The following UGT1A7 variants were observed in gnomAD, a reference collection of about 807,000 sequenced individuals.
The protein encoded by UGT1A7 is UDP-glucuronosyltransferase 1A7.
UGT1A7 carries 33 observed loss-of-function variants against 45.6 expected under a neutral mutation model. That is an observed-to-expected ratio of 0.72 (90% CI 0.55 to 0.97). The LOEUF (loss-of-function observed/expected upper bound fraction) is 0.97. Among genes scored for constraint, UGT1A7 ranks in the 50% least tolerant of loss-of-function variants. UGT1A7 has a pLI of 0.00. For missense variants in UGT1A7, 684 were observed against 666.2 expected, an observed-to-expected ratio of 1.03 and a Z score of -0.29; for synonymous variants, 274 against 250.6, an observed-to-expected ratio of 1.09 and a Z score of -0.88.
chr2:233,700,524 T>A (rs1335127012), intron 1 of UGT1A7, among the ~76,000 whole-genome samples: 1 of 152,166 alleles, frequency 6.6e-6, no homozygotes, highest in Non-Finnish European at 1.5e-5. Flanking sequence ...GTAATTTAGA[T>A]AACTCTAGGA....
intron 1 of UGT1A7, chr2:233,718,964 G>C: frequency 6.2e-7 from 1 of 1,614,222 alleles, no homozygotes; most frequent in Non-Finnish European, 8.5e-7. Flanking sequence ...GGGAGGCCTT[G>C]CGGGAGCTCC....
chr2:233,690,723 C>T (rs1575444181), intron 1 of UGT1A7: 1 of 1,214,546 alleles, frequency 8.2e-7, no homozygotes, highest in South Asian at 1.5e-5. Context: ...GACGAACAGA[C>T]ATGCCAGATT....
chr2:233,729,943 A>G (rs2077957237), intron 1 of UGT1A7: 2 of 1,613,936 alleles, frequency 1.2e-6, no homozygotes, highest in Admixed American at 1.7e-5. Context: ...CATGCCCAAC[A>G]TGGTCTTCAT....
chr2:233,724,299 A>C (rs1357747984), intron 1 of UGT1A7, among the ~76,000 whole-genome samples: 1 of 112,984 alleles, frequency 8.9e-6, no homozygotes, highest in Non-Finnish European at 1.8e-5. Flanking sequence ...TGACCCCCCC[A>C]CCTCCCTCCC....
chr2:233,768,054 A>G (rs1384127703), intron 3 of UGT1A7, 118 bp downstream of exon 3: 4 of 1,603,256 alleles, frequency 2.5e-6, no homozygotes, highest in East Asian at 4.5e-5. Context: ...CATATCCTAC[A>G]TTGCTTTTTA....
chr2:233,726,805 G>A (rs2077562832), intron 1 of UGT1A7, among the ~76,000 whole-genome samples: 1 of 152,144 alleles, frequency 6.6e-6, no homozygotes, highest in African/African-American at 2.4e-5. Flanking sequence ...AAGGCTTGGA[G>A]GTTTTCCTCT....
chr2:233,772,314 G>C lies in UGT1A7; in HGVS notation c.1348G>C (p.Glu450Gln), dbSNP rs1312404188. 1.9e-6 allele frequency: 3 copies of C among 1,614,222 alleles called. No homozygotes were observed. In the East Asian group the frequency reaches 6.7e-5, roughly 36 times the overall value. The change falls in exon 5 of 5, where the codon GAG becomes CAG. Residue 450 changes from glutamate (E) to glutamine (Q), a missense_variant. Coordinates refer to ENST00000373426, the MANE Select transcript of UGT1A7 (RefSeq NM_019077.3). ...LSSLHKDRPV[E>Q]PLDLAVFWVE... Reference sequence around the variant, plus strand: ...CAGCCTTCACAAGGACCGCCCGGTGGAGCCGCTGGACCTGGCCGTGTTCTG... The same window carrying C: ...CAGCCTTCACAAGGACCGCCCGGTGCAGCCGCTGGACCTGGCCGTGTTCTG...
intron 1 of UGT1A7, among the ~76,000 whole-genome samples, chr2:233,758,818 TC>T (rs963233717): frequency 6.6e-6 from 1 of 151,974 alleles, no homozygotes; most frequent in South Asian, 2.1e-4. Context: ...CAGCAGTATA[TC>T]CCCCCCAAAA....
intron 1 of UGT1A7, chr2:233,741,740 C>G (rs1158976781): frequency 1.3e-5 from 2 of 151,864 alleles, no homozygotes; most frequent in Admixed American, 6.6e-5. Flanking sequence ...CCATATCACA[C>G]TCTTTGTTGG....
At position 233,746,588 on chromosome 2, in the gene UGT1A7, TGA is replaced by T. The variant is rs1470732385; in HGVS notation, c.856-20444_856-20443del. Among the ~76,000 whole-genome samples the T allele has an allele frequency of 2.0e-5, 3 of 151,754 alleles. 1 individual carries two copies. The highest frequency in any genetic ancestry group is 7.3e-5 in the African/African-American group (3 of 41,048). On this transcript the variant is annotated intron_variant, in intron 1 of 4. Coordinates refer to ENST00000373426, the MANE Select transcript of UGT1A7 (RefSeq NM_019077.3). ...ACCACACCCTGTAATTGCCTAGTTG[TGA>T]GTTTGTCTCTGTTCACCTGACCCCT...
chr2:233,730,014 C>G (rs1187658663), intron 1 of UGT1A7: 2 of 1,613,720 alleles, frequency 1.2e-6, no homozygotes, highest in Non-Finnish European at 1.7e-6. Context: ...GTGCCTTCAT[C>G]CAATCAATGT....
Position 233,727,952 on chromosome 2 carries a change from C to T in UGT1A7, c.856-39082C>T, listed in dbSNP as rs370815367. On this transcript the variant is annotated intron_variant, in intron 1 of 4. Coordinates refer to ENST00000373426, the MANE Select transcript of UGT1A7 (RefSeq NM_019077.3). ...AAGTGCACACCCCAGACAGCCTGCC[C>T]ACATCATCCTGAGGTGACCAGGACA... 3.3e-5 allele frequency among the ~76,000 whole-genome samples: 5 copies of T among 152,204 alleles called. No homozygotes were observed. In the East Asian group the frequency reaches 7.7e-4, roughly 23 times the overall value.
chr2:233,726,059 A>G (rs2077496716), intron 1 of UGT1A7, among the ~76,000 whole-genome samples: 1 of 152,080 alleles, frequency 6.6e-6, no homozygotes, highest in East Asian at 1.9e-4. Context: ...CCAGCTACTC[A>G]GGAGGCTGAG....
intron 1 of UGT1A7, among the ~76,000 whole-genome samples, chr2:233,735,242 T>G (rs989843667): frequency 6.6e-6 from 1 of 152,236 alleles, no homozygotes; most frequent in African/African-American, 2.4e-5. Flanking sequence ...CTCTTGTTGT[T>G]GAATTGCTCC....
intron 1 of UGT1A7, chr2:233,729,168 A>G (rs746194501): frequency 1.2e-6 from 2 of 1,613,726 alleles, no homozygotes; most frequent in Admixed American, 1.7e-5. Context: ...GGCTGGCCAC[A>G]GGACTGCTGC....
At chr2:233,686,425 G>C (rs776332125) in intron 1 of UGT1A7, among the ~76,000 whole-genome samples, 1 of 152,056 alleles carries the variant, frequency 6.6e-6, no homozygotes, top group African/African-American at 2.4e-5. Flanking sequence ...ATAAACACAC[G>C]CATGCTTGAC....
At chr2:233,730,078 T>C (rs1454977100) in intron 1 of UGT1A7, 3 of 1,605,302 alleles carry the variant, frequency 1.9e-6, no homozygotes, top group East Asian at 2.3e-5. Flanking sequence ...GCTTCCATAT[T>C]TACTTATCTT....
In UGT1A7 at chr2:233,765,523, G is replaced by A. The variant is rs34942302; in HGVS notation, c.856-1511G>A. On this transcript the variant is annotated intron_variant, in intron 1 of 4. Coordinates refer to ENST00000373426, the MANE Select transcript of UGT1A7 (RefSeq NM_019077.3). ...ACACAGGAACAGAAAATCAAACACCGCATGTTCTCACTCATAAGTGGGAGT... is the reference window on the plus strand; with the variant it reads ...ACACAGGAACAGAAAATCAAACACCACATGTTCTCACTCATAAGTGGGAGT... Among the ~76,000 whole-genome samples, 784 of 152,122 alleles carry A rather than the reference G, an allele frequency of 5.2e-3. 4 individuals are homozygous for A. Among genetic ancestry groups the A allele is most frequent in the Non-Finnish European group, 8.2e-3 (558 of 68,008 alleles).
chr2:233,718,023 A>G (rs1438994105), intron 1 of UGT1A7: 2 of 389,712 alleles, frequency 5.1e-6, no homozygotes, highest in South Asian at 3.8e-5. Flanking sequence ...CCAGCTCCCC[A>G]GGTCCTTTGG....
Sources: allele counts gnomAD v4.1 joint callset (sites outside exome capture counted in the v4.1 genomes callset), GRCh38; gene constraint gnomAD v4.1.1; transcripts MANE v1.5; gene names NCBI Gene and HGNC (gene_info 2026-07-23, HGNC 2026-07-21).